The following CSPP1 variants were observed in gnomAD, a reference collection of about 807,000 sequenced individuals.
CSPP1 encodes the protein centrosome and spindle pole associated protein 1.
In CSPP1, 126 loss-of-function variants were observed where a neutral mutation model predicts 164.4. The ratio of observed to expected loss-of-function variants is 0.77; its 90% CI spans 0.66 to 0.89. CSPP1 has a LOEUF of 0.89. CSPP1 is among the 40% of genes least tolerant of loss of function. CSPP1 has a pLI of 0.00. For missense variants in CSPP1, 1,395 were observed against 1,449.8 expected (o/e 0.96, Z 0.61); for synonymous variants, 472 against 476.7 (o/e 0.99, Z 0.13).
At chr8:67,103,839 C>CA (rs757419585) in intron 8 of CSPP1, among the ~76,000 whole-genome samples, 2,459 of 58,136 alleles carry the variant, frequency 0.042, 29 homozygotes, top group African/African-American at 0.058. Context: ...GACTCCCTCT[C>CA]AAAAAAAAAA....
chr8:67,152,086 C>CAAAAA, intron 18 of CSPP1, among the ~76,000 whole-genome samples: 1 of 58,134 alleles, frequency 1.7e-5, no homozygotes, highest in Non-Finnish European at 4.5e-5. Flanking sequence ...GACTCCATCT[C>CAAAAA]AAAAAAAAAA....
chr8:67,172,582 A>G, intron 25 of CSPP1, 27 bp downstream of exon 25: 2 of 1,589,604 alleles, frequency 1.3e-6, no homozygotes, highest in African/African-American at 1.3e-5. Flanking sequence ...TCTTTTAAAG[A>G]TGTAGCAGAA....
At chr8:67,194,387 G>GCAGT (rs960369333) in intron 30 of CSPP1, among the ~76,000 whole-genome samples, 68 of 152,144 alleles carry the variant, frequency 4.5e-4, no homozygotes, top group African/African-American at 1.4e-3. Flanking sequence ...TATCTATCTA[G>GCAGT]CAGTCAAGGT....
At chr8:67,088,747 A>G (rs1810966558) in intron 4 of CSPP1, among the ~76,000 whole-genome samples, 1 of 151,624 alleles carries the variant, frequency 6.6e-6, no homozygotes, top group Non-Finnish European at 1.5e-5. Context: ...ATACAAAAAA[A>G]TTAGCCTGGC....
chr8:67,165,517 T>C (rs1829155613), intron 24 of CSPP1, among the ~76,000 whole-genome samples: 1 of 152,224 alleles, frequency 6.6e-6, no homozygotes, highest in South Asian at 2.1e-4. Context: ...AGTTGTCATG[T>C]CTCCCAGTCT....
In CSPP1 at chr8:67,196,438, GGAAA is replaced by G. The variant is rs573767495; in HGVS notation, c.*848_*851del. 9.9e-4 allele frequency among the ~76,000 whole-genome samples: 150 copies of G among 152,190 alleles called. No individual in the cohort carries two copies. The highest frequency in any genetic ancestry group is 3.5e-3 in the African/African-American group (144 of 41,512). ...CTCAGTAAGTGATACTTCTAAAAAA[GGAAA>G]GAGTCATTCAAATAATTGTGACATT... On this transcript the variant is annotated 3_prime_UTR_variant, in exon 31 of 31. Transcript: ENST00000678616.
chr8:67,170,453 C>CA (rs1025749706), intron 24 of CSPP1, among the ~76,000 whole-genome samples: 2 of 151,474 alleles, frequency 1.3e-5, no homozygotes, highest in Non-Finnish European at 2.9e-5. Context: ...AGGACTCTTT[C>CA]AAAAAAAAAT....
intron 17 of CSPP1, among the ~76,000 whole-genome samples, chr8:67,140,960 TG>T (rs1823371162): frequency 6.6e-6 from 1 of 152,182 alleles, no homozygotes; most frequent in Non-Finnish European, 1.5e-5. Flanking sequence ...CTTGGGAGGC[TG>T]GGAAGTTTAA....
rs562540567 is a variant in CSPP1 at position 67,185,104 on chromosome 8, CAA to C, written c.3220+5190_3220+5191del. ...TGGGCGACAGAGCAAGACTCCGTCT[CAA>C]AAAAAAAAAAACAAAAACAAACAAA... On this transcript the variant is annotated intron_variant, in intron 28 of 30. Coordinates refer to ENST00000678616, the MANE Select transcript of CSPP1 (RefSeq NM_001382391.1). Among the ~76,000 whole-genome samples the C allele has an allele frequency of 8.2e-5, 10 of 121,934 alleles. No homozygotes were observed. The East Asian group carries it at 1.4e-3, about 17-fold the overall frequency. The allele number at this position is 121,934 out of a possible 152,430, so 80.0% of individuals were successfully genotyped here.
intron 24 of CSPP1, 138 bp from the exon 25 acceptor site, chr8:67,172,278 G>A: frequency 6.7e-6 from 4 of 596,862 alleles, no homozygotes; most frequent in Non-Finnish European, 1.2e-5. Flanking sequence ...ACAAGTGTGA[G>A]CCACAGCACC....
At position 67,158,999 on chromosome 8, in the gene CSPP1, A is replaced by G; in HGVS notation, c.2400A>G (p.Leu800=). 1 of 1,595,578 alleles carries G rather than the reference A, an allele frequency of 6.3e-7. No individual in the cohort carries two copies. The highest frequency in any genetic ancestry group is 1.1e-5 in the South Asian group (1 of 87,148). ...KKREKEEEQR[L]KNEEHIRLAE... ...CTCTTTTTATTTTAAAGCAAAGGCT[A>G]AAAAATGAAGAGCATATTCGGTTAG... Residue 800 remains leucine (L), a synonymous_variant, in exon 21 of 31, where the codon CTA becomes CTG. Transcript: ENST00000678616.
At chr8:67,074,574 G>T (rs930162265) in intron 2 of CSPP1, among the ~76,000 whole-genome samples, 1 of 151,974 alleles carries the variant, frequency 6.6e-6, no homozygotes, top group Non-Finnish European at 1.5e-5. Flanking sequence ...TCTTGTTGAA[G>T]AATTATTTGG....
At chr8:67,147,048 T>G (rs541427267) in intron 17 of CSPP1, among the ~76,000 whole-genome samples, 1 of 152,350 alleles carries the variant, frequency 6.6e-6, no homozygotes, top group South Asian at 2.1e-4. Context: ...TAGTCTTAAA[T>G]CTTAATAATT....
chr8:67,175,290 T>G lies in CSPP1; in HGVS notation c.2969-6T>G. The G allele has an allele frequency of 6.2e-7, 1 of 1,601,168 alleles. No individual in the cohort carries two copies. The highest frequency in any genetic ancestry group is 8.5e-7 in the Non-Finnish European group (1 of 1,172,358). On this transcript the variant is annotated splice_region_variant and splice_polypyrimidine_tract_variant and intron_variant, in intron 25 of 30. Coordinates refer to ENST00000678616, the MANE Select transcript of CSPP1 (RefSeq NM_001382391.1). ...ACTTAGTTATATAACATATTTTTTA[T>G]ACCAGATTCAGAAACACGAGTTGAT... is the stretch of plus-strand genomic sequence containing the variant.
At chr8:67,098,698 C>G (rs1438982576) in intron 7 of CSPP1, among the ~76,000 whole-genome samples, 1 of 151,890 alleles carries the variant, frequency 6.6e-6, no homozygotes, top group African/African-American at 2.4e-5. Flanking sequence ...TTTATAAGCT[C>G]TATTTAAATA....
intron 16 of CSPP1, among the ~76,000 whole-genome samples, chr8:67,132,358 T>C (rs542536728): frequency 2.6e-5 from 4 of 152,032 alleles, no homozygotes; most frequent in African/African-American, 4.8e-5. Flanking sequence ...GAGAATGGAA[T>C]TGGGGTGGAA....
At chr8:67,187,079 T>C (rs932690670) in intron 28 of CSPP1, among the ~76,000 whole-genome samples, 6 of 152,130 alleles carry the variant, frequency 3.9e-5, no homozygotes, top group Admixed American at 3.3e-4. Context: ...GACTACTAAA[T>C]AAATGGAGAT....
At chr8:67,190,999 ATCC>A (rs1201664640) in intron 29 of CSPP1, among the ~76,000 whole-genome samples, 4 of 152,174 alleles carry the variant, frequency 2.6e-5, no homozygotes, top group African/African-American at 9.7e-5. Flanking sequence ...GTAGCTCCTC[ATCC>A]CAACCTTCCT....
rs1554606078 is a variant in CSPP1, at chr8:67,160,026, C to CTTTTCT, written c.2538+910_2538+915dup. On this transcript the variant is annotated intron_variant, in intron 21 of 30. Transcript: ENST00000678616. Reference sequence around the variant, plus strand: ...CTTTTCTTTTCTTTTCTTTTCTTTTCTTTTCTTTTTCTTTTTCTTTTTCTT... The same window carrying CTTTTCT: ...CTTTTCTTTTCTTTTCTTTTCTTTTCTTTTCTTTTTCTTTTTCTTTTTCTTTTTCTT... Among the ~76,000 whole-genome samples, 235 of 53,620 alleles carry CTTTTCT rather than the reference C, an allele frequency of 4.4e-3. 15 individuals are homozygous for CTTTTCT. Among genetic ancestry groups the CTTTTCT allele is most frequent in the South Asian group, 7.4e-3 (13 of 1,754 alleles). 35.2% of individuals were successfully genotyped at this position (53,620 alleles called of 152,430 possible).
Sources: allele counts gnomAD v4.1 joint callset (sites outside exome capture counted in the v4.1 genomes callset), GRCh38; gene constraint gnomAD v4.1.1; transcripts MANE v1.5; gene names NCBI Gene and HGNC (gene_info 2026-07-23, HGNC 2026-07-21).